ZGRF1: variants seen among roughly 807,000 people sequenced by gnomAD.
ZGRF1 encodes the protein 5'-3' DNA helicase ZGRF1.
Under a neutral mutation model 203.5 loss-of-function variants are expected in ZGRF1, and 196 were observed. The ratio of observed to expected loss-of-function variants is 0.96; its 90% CI spans 0.86 to 1.08. The LOEUF (loss-of-function observed/expected upper bound fraction) is 1.08, where lower values mean the gene tolerates loss of function less well. Ranked by LOEUF, ZGRF1 falls within the 50% of genes least tolerant of loss-of-function variation. The probability of loss-of-function intolerance (pLI) is 0.00; values close to 1 mark genes in which losing one functional copy is unlikely to be tolerated. For synonymous variants in ZGRF1, 809 were observed against 841.3 expected (o/e 0.96, Z 0.66); for missense variants, 2,326 against 2,416.3 (o/e 0.96, Z 0.78).
chr4:112,572,906 T>C lies in ZGRF1; in HGVS notation c.4438+8757A>G, dbSNP rs912198054. Among the ~76,000 whole-genome samples, 7 of 152,048 alleles carry C rather than the reference T, an allele frequency of 4.6e-5. No homozygotes were observed. In the East Asian group the frequency reaches 1.2e-3, roughly 25 times the overall value. ...TAATCAAAAAATCAAAATTAATAGA[T>C]GTTGGCAGGGATGAAAGGGAACACT... On this transcript the variant is annotated intron_variant, in intron 16 of 27. Coordinates refer to ENST00000505019, the MANE Select transcript of ZGRF1 (RefSeq NM_018392.5).
intron 11 of ZGRF1, among the ~76,000 whole-genome samples, chr4:112,589,132 A>C (rs190399148): frequency 2.0e-5 from 3 of 152,292 alleles, no homozygotes; most frequent in African/African-American, 7.2e-5. Context: ...ATTCAGAATC[A>C]GGGGAAGATA....
At chr4:112,586,147 G>A (rs1169872486) in intron 13 of ZGRF1, among the ~76,000 whole-genome samples, 1 of 151,814 alleles carries the variant, frequency 6.6e-6, no homozygotes, top group Non-Finnish European at 1.5e-5. Flanking sequence ...AGGCTGAAGT[G>A]GGAGGATCAC....
At position 112,587,888 on chromosome 4, in the gene ZGRF1, T is replaced by G; in HGVS notation, c.3169A>C (p.Arg1057=). 2 of 1,545,316 alleles carry G rather than the reference T, an allele frequency of 1.3e-6. No individual in the cohort carries two copies. The highest frequency in any genetic ancestry group is 1.7e-6 in the Non-Finnish European group (2 of 1,145,382). ...SRSLENENLQ[R]LSLLSRTQVP... The stretch of plus-strand genomic sequence containing the variant: ...TGGGTTCTACTTAATAATGAAAGCC[T>G]TTGAAGGTTCTCATTCTCCAGAGAA... The change falls in exon 12 of 28, where the codon AGG becomes CGG. Residue 1057 remains arginine (R), a synonymous_variant. Coordinates refer to ENST00000505019, the MANE Select transcript of ZGRF1 (RefSeq NM_018392.5).
In ZGRF1 at chr4:112,618,967, C is replaced by T; in HGVS notation, c.1075G>A (p.Val359Ile). The T allele has an allele frequency of 3.1e-6, 5 of 1,613,700 alleles. No homozygotes were observed. Among genetic ancestry groups the T allele is most frequent in the East Asian group, 4.5e-5 (2 of 44,862 alleles). The part of the protein sequence containing the change: ...ERKPKAQEDD[V>I]NSNLKDLSLQ... ...GAAAGGTCTTTCAAATTAGAATTTA[C>T]ATCATCTTCCTGGGCCTTGGGTTTC... is the stretch of plus-strand genomic sequence containing the variant. The change falls in exon 6 of 28, where the codon GTA becomes ATA. Residue 359 changes from valine (V) to isoleucine (I), a missense_variant. Coordinates refer to ENST00000505019, the MANE Select transcript of ZGRF1 (RefSeq NM_018392.5).
intron 16 of ZGRF1, among the ~76,000 whole-genome samples, chr4:112,568,026 T>C (rs1485076912): frequency 6.6e-6 from 1 of 152,058 alleles, no homozygotes; most frequent in Non-Finnish European, 1.5e-5. Flanking sequence ...ATGAATACAT[T>C]TGAGGAATCA....
At chr4:112,561,986 C>T (rs981240189) in intron 18 of ZGRF1, among the ~76,000 whole-genome samples, 48 of 148,296 alleles carry the variant, frequency 3.2e-4, no homozygotes, top group Admixed American at 6.9e-4. Flanking sequence ...CCCGGCTCAC[C>T]GCAACCTCCG....
chr4:112,577,153 C>A lies in ZGRF1; in HGVS notation c.4438+4510G>T, dbSNP rs577452039. On this transcript the variant is annotated intron_variant, in intron 16 of 27. Coordinates refer to ENST00000505019, the MANE Select transcript of ZGRF1 (RefSeq NM_018392.5). The stretch of plus-strand genomic sequence containing the variant: ...ATTCTTAAAGAAAAGAATTTTCAAC[C>A]CAGAATTTCATATCCAGTCAAACTA... Among the ~76,000 whole-genome samples, 965 of 123,072 alleles carry A rather than the reference C, an allele frequency of 7.8e-3. 221 individuals carry two copies. Among genetic ancestry groups the A allele is most frequent in the African/African-American group, 0.024 (847 of 35,526 alleles). The allele number at this position is 123,072 out of a possible 152,430, so 80.7% of individuals were successfully genotyped here.
chr4:112,586,008 C>T (rs901085648), intron 13 of ZGRF1, among the ~76,000 whole-genome samples: 5 of 151,584 alleles, frequency 3.3e-5, no homozygotes, highest in African/African-American at 9.7e-5. Flanking sequence ...GAGGCCAAGG[C>T]GAGTAGATTG....
At chr4:112,597,668 C>G (rs906705965) in intron 10 of ZGRF1, among the ~76,000 whole-genome samples, 2 of 151,850 alleles carry the variant, frequency 1.3e-5, no homozygotes, top group African/African-American at 4.8e-5. Context: ...CATTTGAGGT[C>G]AGGAGTTCAA....
chr4:112,572,734 G>C (rs1314968790), intron 16 of ZGRF1, among the ~76,000 whole-genome samples: 1 of 152,072 alleles, frequency 6.6e-6, no homozygotes, highest in Admixed American at 6.6e-5. Flanking sequence ...CCATCAAAAA[G>C]TGGGCTAAGG....
chr4:112,553,994 T>C lies in ZGRF1; in HGVS notation c.5199-12A>G, dbSNP rs374630787. On this transcript the variant is annotated splice_polypyrimidine_tract_variant and intron_variant, in intron 21 of 27. Transcript: ENST00000505019. ...AGCCAGCATGCAAGCTAAAGAATTATATTAAAACACTCCTCTTTATTCCAT... is the reference window on the plus strand; with the variant it reads ...AGCCAGCATGCAAGCTAAAGAATTACATTAAAACACTCCTCTTTATTCCAT... 5.0e-5 allele frequency: 80 copies of C among 1,592,926 alleles called. No individual in the cohort carries two copies. The highest frequency in any genetic ancestry group is 1.7e-4 in the Middle Eastern group (1 of 5,966).
At chr4:112,584,354 T>C (rs1449382829) in intron 14 of ZGRF1, among the ~76,000 whole-genome samples, 180 bp from the exon 15 acceptor site, 1 of 152,200 alleles carries the variant, frequency 6.6e-6, no homozygotes, top group Non-Finnish European at 1.5e-5. Flanking sequence ...ACTTTTCCAT[T>C]TACTTTCTCT....
chr4:112,618,429 T>A lies in ZGRF1; in HGVS notation c.1613A>T (p.Glu538Val). Reference sequence around the variant, plus strand: ...TGATTCCTCCTCAGTGTCACTGGTCTCAAAATTGTTCAGATTAAAAGTTAC... The same window carrying A: ...TGATTCCTCCTCAGTGTCACTGGTCACAAAATTGTTCAGATTAAAAGTTAC... ...LEVTFNLNNF[E>V]TSDTEEESQE... Residue 538 changes from glutamate (E) to valine (V), a missense_variant, in exon 6 of 28, where the codon GAG becomes GTG. Physicochemically the swap from Glu to Val is moderately radical, Grantham distance 121. Coordinates refer to ENST00000505019, the MANE Select transcript of ZGRF1 (RefSeq NM_018392.5). 1 of 1,613,904 alleles carries A rather than the reference T, an allele frequency of 6.2e-7. No homozygotes were observed.
intron 9 of ZGRF1, among the ~76,000 whole-genome samples, chr4:112,605,076 A>G (rs2149101660): frequency 6.6e-6 from 1 of 152,256 alleles, no homozygotes; most frequent in South Asian, 2.1e-4. Context: ...ATGAGTCTCA[A>G]CTGTTAAAGA....
At position 112,619,398 on chromosome 4, in the gene ZGRF1, G is replaced by T. The variant is rs563534997; in HGVS notation, c.644C>A (p.Ser215Ter). 1 of 1,613,088 alleles carries T rather than the reference G, an allele frequency of 6.2e-7. No homozygotes were observed. The highest frequency in any genetic ancestry group is 1.3e-5 in the African/African-American group (1 of 74,900). ...AAGCTTATTTCCAGAATTGACAGGT[G>T]AGCAAAAATAATTTTCTTCACACAG... ...EVLCEENYFC[S>*]PVNSGNKLSD... The change falls in exon 6 of 28, where the codon TCA (serine) becomes TAA (stop). Residue 215 changes from serine to a stop codon, truncating the protein, a stop_gained. Transcript: ENST00000505019. LOFTEE classifies it high-confidence loss of function.
chr4:112,544,523 G>A (rs1342029034), intron 24 of ZGRF1, among the ~76,000 whole-genome samples: 2 of 152,206 alleles, frequency 1.3e-5, no homozygotes, highest in Non-Finnish European at 2.9e-5. Flanking sequence ...GAAGGCTCAA[G>A]AACTGTGTCC....
At chr4:112,627,463 G>A (rs185947337) in intron 3 of ZGRF1, among the ~76,000 whole-genome samples, 12 of 152,176 alleles carry the variant, frequency 7.9e-5, no homozygotes, top group African/African-American at 2.2e-4. Context: ...AAATATAGCC[G>A]GGCACGGTGG....
intron 16 of ZGRF1, among the ~76,000 whole-genome samples, chr4:112,581,184 A>T (rs1424753295): frequency 6.0e-4 from 91 of 150,640 alleles, no homozygotes; most frequent in African/African-American, 2.2e-3. Context: ...AAGGACAAAA[A>T]ACCAAACACC....
At chr4:112,585,831 C>A in intron 13 of ZGRF1, 106 bp from the exon 14 acceptor site, 3 of 603,712 alleles carry the variant, frequency 5.0e-6, no homozygotes, top group East Asian at 3.5e-5. Flanking sequence ...TAAACAGAGT[C>A]ATATAATAGG....
Sources: allele counts gnomAD v4.1 joint callset (sites outside exome capture counted in the v4.1 genomes callset), GRCh38; gene constraint gnomAD v4.1.1; transcripts MANE v1.5; gene names NCBI Gene and HGNC (gene_info 2026-07-23, HGNC 2026-07-21).